The following DIAPH1 variants were observed in gnomAD, a reference collection of about 807,000 sequenced individuals.
DIAPH1 encodes the protein protein diaphanous homolog 1.
DIAPH1 carries 46 observed loss-of-function variants against 140.7 expected under a neutral mutation model. That is an observed-to-expected ratio of 0.33 (90% CI 0.26 to 0.42). DIAPH1 has a LOEUF of 0.42. Among genes scored for constraint, DIAPH1 ranks in the 10% least tolerant of loss-of-function variants. The probability of loss-of-function intolerance (pLI) is 1.00; values close to 1 mark genes in which losing one functional copy is unlikely to be tolerated. For synonymous variants in DIAPH1, 565 were observed against 551.6 expected, an observed-to-expected ratio of 1.02 and a Z score of -0.34; for missense variants, 1,310 against 1,558.7, an observed-to-expected ratio of 0.84 and a Z score of 2.69.
At chr5:141,527,829 T>C (rs2099887618) in intron 23 of DIAPH1, 132 bp from the exon 24 acceptor site, 1 of 1,140,026 alleles carries the variant, frequency 8.8e-7, no homozygotes, top group Non-Finnish European at 1.2e-6. Context: ...TGGTACTTAA[T>C]AATTTTAGTT....
chr5:141,582,499 T>C (rs978026525), intron 6 of DIAPH1, 124 bp from the exon 7 acceptor site: 8 of 736,018 alleles, frequency 1.1e-5, no homozygotes, highest in South Asian at 8.9e-5. Flanking sequence ...TTTTAGGAAA[T>C]AGCACCTTGC....
At chr5:141,560,684 C>T (rs548970005) in intron 18 of DIAPH1, 10 of 326,724 alleles carry the variant, frequency 3.1e-5, no homozygotes, top group South Asian at 2.4e-4. Context: ...CTCACCCACG[C>T]TAACCTAAAT....
chr5:141,581,116 C>T (rs1054753510), intron 7 of DIAPH1, among the ~76,000 whole-genome samples: 1 of 152,088 alleles, frequency 6.6e-6, no homozygotes, highest in South Asian at 2.1e-4. Flanking sequence ...TCCAATATGA[C>T]CAGTGTCCTT....
At chr5:141,524,867 C>G (rs937379876) in intron 26 of DIAPH1, 1 of 157,026 alleles carries the variant, frequency 6.4e-6, no homozygotes, top group African/African-American at 2.4e-5. Context: ...GCTGCCAGAT[C>G]CAAGGCTGGG....
chr5:141,584,119 C>T lies in DIAPH1; in HGVS notation c.402+5G>A, dbSNP rs995407717. The T allele has an allele frequency of 3.1e-6, 5 of 1,588,910 alleles. No individual in the cohort carries two copies. Among genetic ancestry groups the T allele is most frequent in the Non-Finnish European group, 4.3e-6 (5 of 1,157,588 alleles). The stretch of plus-strand genomic sequence containing the variant: ...CATGTCATGGGTACCTGTCCCAGGA[C>T]TCACAGCCTTGGAGGTGTACAAGTA... On this transcript the variant is annotated splice_donor_5th_base_variant and intron_variant, in intron 4 of 27. Coordinates refer to ENST00000389054, the MANE Select transcript of DIAPH1 (RefSeq NM_005219.5).
At chr5:141,547,000 A>C (rs2099890895) in intron 18 of DIAPH1, among the ~76,000 whole-genome samples, 1 of 152,248 alleles carries the variant, frequency 6.6e-6, no homozygotes, top group South Asian at 2.1e-4. Flanking sequence ...AAAAGGGAGG[A>C]TCATTTGCCC....
At chr5:141,560,797 A>G in intron 18 of DIAPH1, 1 of 455,968 alleles carries the variant, frequency 2.2e-6, no homozygotes, top group Middle Eastern at 3.3e-4. Context: ...ACAGGGTAAG[A>G]GCAGAACAAA....
rs541700584 is a variant in DIAPH1, at chr5:141,585,758, C to T, written c.300+1284G>A. Among the ~76,000 whole-genome samples the T allele has an allele frequency of 5.3e-5, 8 of 152,092 alleles. No homozygotes were observed. The South Asian group carries it at 1.2e-3, about 24-fold the overall frequency. ...GAGGTTGCAAGTCTTGCTCTGCTTG[C>T]GACAGAGCAATACTCCATCTCAAAA... On this transcript the variant is annotated intron_variant, in intron 3 of 27. Coordinates refer to ENST00000389054, the MANE Select transcript of DIAPH1 (RefSeq NM_005219.5).
chr5:141,561,027 A>C (rs2154595963), intron 18 of DIAPH1: 1 of 430,942 alleles, frequency 2.3e-6, no homozygotes, highest in Non-Finnish European at 4.7e-6. Context: ...CTCTGACCTC[A>C]CAATCTGGAA....
At chr5:141,529,305 G>A (rs200932257) in intron 20 of DIAPH1, 32 bp from the exon 21 acceptor site, 1 of 1,558,554 alleles carries the variant, frequency 6.4e-7, no homozygotes, top group Non-Finnish European at 8.9e-7. Flanking sequence ...TCAGCTGGAG[G>A]GGAATTCGCT....
At chr5:141,547,337 T>C (rs1252712534) in intron 18 of DIAPH1, among the ~76,000 whole-genome samples, 1 of 152,046 alleles carries the variant, frequency 6.6e-6, no homozygotes, top group Non-Finnish European at 1.5e-5. Flanking sequence ...CGGTGGCAGG[T>C]GCCTGTAGTC....
At chr5:141,569,411 A>G (rs1032831963) in intron 18 of DIAPH1, among the ~76,000 whole-genome samples, 11 of 152,342 alleles carry the variant, frequency 7.2e-5, no homozygotes, top group Admixed American at 6.5e-5. Context: ...CACTGGCTTC[A>G]GCATTCAAAC....
intron 1 of DIAPH1, among the ~76,000 whole-genome samples, chr5:141,612,755 T>G (rs565598056): frequency 4.6e-5 from 7 of 152,206 alleles, no homozygotes; most frequent in Non-Finnish European, 1.0e-4. Flanking sequence ...GTTTATTGTA[T>G]TTTAATTATA....
chr5:141,616,652 G>T (rs1195119722), intron 1 of DIAPH1, among the ~76,000 whole-genome samples: 1 of 152,200 alleles, frequency 6.6e-6, no homozygotes, highest in Non-Finnish European at 1.5e-5. Context: ...ATATTCTGAT[G>T]CCTTGAGATA....
intron 1 of DIAPH1, among the ~76,000 whole-genome samples, chr5:141,613,203 C>T (rs1231430393): frequency 1.3e-5 from 2 of 152,166 alleles, no homozygotes; most frequent in Non-Finnish European, 2.9e-5. Context: ...TGCTAACTCT[C>T]ATTTGCATCC....
intron 18 of DIAPH1, among the ~76,000 whole-genome samples, chr5:141,545,954 C>T (rs760069995): frequency 2.0e-5 from 3 of 152,062 alleles, no homozygotes; most frequent in Non-Finnish European, 4.4e-5. Context: ...TAGTAAGATC[C>T]TAATTTTATG....
chr5:141,549,392 T>A (rs2099891352), intron 18 of DIAPH1, among the ~76,000 whole-genome samples: 1 of 152,074 alleles, frequency 6.6e-6, no homozygotes, highest in Non-Finnish European at 1.5e-5. Flanking sequence ...TTAAAATATA[T>A]AAAGTTAAAA....
At chr5:141,586,982 G>A in intron 3 of DIAPH1, 60 bp downstream of exon 3, 2 of 1,583,462 alleles carry the variant, frequency 1.3e-6, no homozygotes, top group Admixed American at 3.3e-5. Flanking sequence ...GCACCAAAAA[G>A]AGCCCACCAT....
intron 18 of DIAPH1, among the ~76,000 whole-genome samples, chr5:141,542,209 G>A (rs960546595): frequency 1.5e-4 from 23 of 152,258 alleles, no homozygotes; most frequent in African/African-American, 4.6e-4. Flanking sequence ...CTTGGCAGGC[G>A]GATCATGAGA....
Sources: gnomAD v4.1 joint callset for allele counts (sites outside exome capture counted in the v4.1 genomes callset) on GRCh38, gnomAD v4.1.1 for gene constraint, MANE v1.5 for transcripts, NCBI Gene and HGNC (gene_info 2026-07-23, HGNC 2026-07-21) for gene names.